Variants in PTPRA observed in about 807,000 individuals in gnomAD.
PTPRA encodes the protein protein tyrosine phosphatase receptor type A.
PTPRA carries 25 observed loss-of-function variants against 104.8 expected under a neutral mutation model. The observed-to-expected ratio is 0.24, with a 90% CI of 0.17 to 0.33. PTPRA has a LOEUF of 0.33. Among genes scored for constraint, PTPRA ranks in the 10% least tolerant of loss-of-function variants. PTPRA has a pLI of 1.00. For synonymous variants in PTPRA, 323 were observed against 368.9 expected (o/e 0.88, Z 1.43); for missense variants, 765 against 1,015.3 (o/e 0.75, Z 3.35).
chr20:3,007,318 T>G (rs2063922747), intron 10 of PTPRA, 26 bp from the exon 11 acceptor site: 10 of 1,603,996 alleles, frequency 6.2e-6, no homozygotes, highest in Non-Finnish European at 8.5e-6. Flanking sequence ...TTGATTTTAC[T>G]GAAATATTGT....
Position 3,026,721 on chromosome 20 carries a change from T to A in PTPRA, c.1649T>A (p.Met550Lys). The A allele has an allele frequency of 6.2e-7, 1 of 1,613,412 alleles. No individual in the cohort carries two copies. ...TCAATCAAAATCCAGAATGACAAGA[T>A]GCGGACTGGAAACCTTCCAGCCAAC... ...LTSIKIQNDK[M>K]RTGNLPANMK... Residue 550 changes from methionine to lysine, a missense_variant, in exon 18 of 24, where the codon ATG (methionine) becomes AAG (lysine). By Grantham distance (95) the Met-to-Lys change is moderately conservative. Around this residue, in one of 4 missense-constraint regions of PTPRA, gnomAD observed 192 missense variants for 227.0 expected, o/e 0.85. Transcript: ENST00000399903.
intron 1 of PTPRA, among the ~76,000 whole-genome samples, chr20:2,874,205 CTCCCA>C (rs2089554775): frequency 2.0e-5 from 1 of 49,830 alleles, no homozygotes; most frequent in Admixed American, 1.9e-4. Context: ...CCCGGCCCGT[CTCCCA>C]GGCCCCTCTC....
In PTPRA at chr20:2,964,870, C is replaced by CAGA; in HGVS notation, c.83_84insAGA (p.Ser28_Val29insAsp). 1 of 1,612,628 alleles carries CAGA rather than the reference C, an allele frequency of 6.2e-7. No individual in the cohort carries two copies. Among genetic ancestry groups the CAGA allele is most frequent in the Non-Finnish European group, 8.5e-7 (1 of 1,178,942 alleles). ...TTTTTGGTGTTTGTAGTTGCACCTT[C>CAGA]TGTAGGAATTACAAGATTAATTAAC... On this transcript the variant is annotated inframe_insertion, in exon 5 of 24. Transcript: ENST00000399903.
In PTPRA at chr20:3,011,645, G is replaced by A. The variant is rs116979362; in HGVS notation, c.907-4204G>A. 2.3e-3 allele frequency among the ~76,000 whole-genome samples: 357 copies of A among 152,338 alleles called. No individual in the cohort carries two copies. The Middle Eastern group carries it at 0.024, about 10-fold the overall frequency. On this transcript the variant is annotated intron_variant, in intron 11 of 23. Transcript: ENST00000399903. ...TCTTAGGTTATAAGGTATAAGATGG[G>A]AAGTGGTGGGAAATGAGACTTGATC...
At chr20:3,028,133 T>G (rs943558716) in intron 20 of PTPRA, among the ~76,000 whole-genome samples, 5 of 152,140 alleles carry the variant, frequency 3.3e-5, no homozygotes, top group Admixed American at 3.3e-4. Flanking sequence ...ACCCTTGCAC[T>G]TTCTCCTGAA....
chr20:2,913,537 C>T (rs79628619), intron 1 of PTPRA, among the ~76,000 whole-genome samples: 5,361 of 152,164 alleles, frequency 0.035, 247 homozygotes, highest in Admixed American at 0.1. Flanking sequence ...TTGACTTGAT[C>T]GCCTTGACAC....
chr20:2,965,884 C>A (rs758890998), intron 5 of PTPRA, among the ~76,000 whole-genome samples: 2 of 152,118 alleles, frequency 1.3e-5, no homozygotes, highest in African/African-American at 4.8e-5. Flanking sequence ...CCTCTTTGAA[C>A]CTTAGGTACC....
At chr20:2,965,384 G>C (rs1056134101) in intron 5 of PTPRA, among the ~76,000 whole-genome samples, 182 bp downstream of exon 5, 4 of 152,184 alleles carry the variant, frequency 2.6e-5, no homozygotes, top group African/African-American at 9.6e-5. Flanking sequence ...GAAAGATTCT[G>C]GAGAATATCT....
At chr20:2,868,960 T>C (rs1283263282), upstream of PTPRA, among the ~76,000 whole-genome samples, 1 of 152,216 alleles carries the variant, frequency 6.6e-6, no homozygotes, top group East Asian at 1.9e-4. Context: ...GATTTCAACT[T>C]TATAAAAGGT....
chr20:2,923,423 A>G (rs2060170132), intron 2 of PTPRA, 138 bp downstream of exon 2: 1 of 449,222 alleles, frequency 2.2e-6, no homozygotes, highest in Admixed American at 4.7e-5. Context: ...ATTATTATAA[A>G]CATTGTAATT....
intron 1 of PTPRA, among the ~76,000 whole-genome samples, chr20:2,876,223 A>G (rs989010087): frequency 6.6e-6 from 1 of 152,222 alleles, no homozygotes; most frequent in African/African-American, 2.4e-5. Context: ...ATCCTGCTCA[A>G]TTTTGGGAAA....
chr20:3,016,010 T>C, intron 12 of PTPRA, 125 bp downstream of exon 12: 1 of 913,988 alleles, frequency 1.1e-6, no homozygotes, highest in Non-Finnish European at 1.7e-6. Context: ...TTTTACCACC[T>C]GAAAGAATTA....
At chr20:3,010,799 C>T (rs895481520) in intron 11 of PTPRA, among the ~76,000 whole-genome samples, 1 of 152,180 alleles carries the variant, frequency 6.6e-6, no homozygotes, top group African/African-American at 2.4e-5. Context: ...ATGTTCACAT[C>T]CCTCTCTAAT....
At chr20:2,921,851 G>C (rs996228284) in intron 1 of PTPRA, among the ~76,000 whole-genome samples, 1 of 152,182 alleles carries the variant, frequency 6.6e-6, no homozygotes, top group Admixed American at 6.5e-5. Flanking sequence ...GAAATGGCTA[G>C]GCTCTTGTAC....
chr20:2,934,781 C>G (rs565460657), intron 2 of PTPRA, among the ~76,000 whole-genome samples: 1 of 150,712 alleles, frequency 6.6e-6, no homozygotes, highest in Admixed American at 6.6e-5. Flanking sequence ...GAGCAATTCT[C>G]CTGTCTCAGC....
chr20:3,012,868 G>A (rs933477114), intron 11 of PTPRA, among the ~76,000 whole-genome samples: 2 of 151,980 alleles, frequency 1.3e-5, no homozygotes, highest in African/African-American at 4.8e-5. Context: ...TGATTTTTTG[G>A]TAAGTTTACC....
chr20:2,870,809 G>GT (rs1443600711), upstream of PTPRA, among the ~76,000 whole-genome samples: 1 of 152,210 alleles, frequency 6.6e-6, no homozygotes, highest in Non-Finnish European at 1.5e-5. Context: ...CTACCTGTAG[G>GT]TATGTGCTCC....
intron 1 of PTPRA, among the ~76,000 whole-genome samples, chr20:2,912,830 A>G (rs1199440640): frequency 2.0e-5 from 3 of 152,224 alleles, no homozygotes; most frequent in Non-Finnish European, 4.4e-5. Flanking sequence ...ATACACTTTC[A>G]TTAGAAAAGC....
chr20:2,985,294 C>A (rs766725385), intron 6 of PTPRA, among the ~76,000 whole-genome samples: 3 of 152,126 alleles, frequency 2.0e-5, no homozygotes, highest in African/African-American at 4.8e-5. Flanking sequence ...TTAGACAAGA[C>A]GAATTAGACA....
Sources: gnomAD v4.1 joint callset for allele counts (sites outside exome capture counted in the v4.1 genomes callset) on GRCh38, gnomAD v4.1.1 for gene constraint, gnomAD v4.1.1 regional missense constraint, MANE v1.5 for transcripts, NCBI Gene and HGNC (gene_info 2026-07-23, HGNC 2026-07-21) for gene names.